Variants in ATP2A3 observed in about 807,000 individuals in gnomAD.
ATP2A3 encodes the protein ATPase sarcoplasmic/endoplasmic reticulum Ca2+ transporting 3.
A neutral mutation model predicts 106.8 loss-of-function variants in ATP2A3; 61 were observed. The ratio of observed to expected loss-of-function variants is 0.57; its 90% CI spans 0.46 to 0.71. ATP2A3 has a LOEUF of 0.71. Ranked by LOEUF, ATP2A3 falls within the 30% of genes least tolerant of loss-of-function variation. The pLI is 0.00. For synonymous variants in ATP2A3, 611 were observed against 609.3 expected (o/e 1.00, Z -0.04); for missense variants, 1,201 against 1,423.5 (o/e 0.84, Z 2.52).
rs1054301879 is a variant in ATP2A3 at position 3,929,149 on chromosome 17, C to T, written c.2862+179G>A. 6.6e-6 allele frequency among the ~76,000 whole-genome samples: 1 copy of T among 152,210 alleles called. No individual in the cohort carries two copies. Among genetic ancestry groups the T allele is most frequent in the Non-Finnish European group, 1.5e-5 (1 of 68,028 alleles). ...AGCAAGGGGTTTCCCCCTCTTCCGT[C>T]CCCCAGGTCTGGGAGCTCCTGAAGG... On this transcript the variant is annotated intron_variant, in intron 19 of 20. Coordinates refer to ENST00000397041, the MANE Select transcript of ATP2A3 (RefSeq NM_005173.4). The surrounding 1 kb of genome is among the most constrained non-coding windows in gnomAD (Gnocchi z 4.3).
At chr17:3,941,685 C>T (rs768798998) in intron 12 of ATP2A3, 31 bp from the exon 13 acceptor site, 4 of 1,598,476 alleles carry the variant, frequency 2.5e-6, no homozygotes, top group Non-Finnish European at 2.5e-6. Context: ...GAAGAGGTAA[C>T]TCATCAGTCA....
rs772945810 is a variant in ATP2A3, at chr17:3,951,377, C to T, written c.337G>A (p.Glu113Lys). 1.5e-5 allele frequency: 25 copies of T among 1,613,652 alleles called. No individual in the cohort carries two copies. The highest frequency in any genetic ancestry group is 1.3e-4 in the East Asian group (6 of 44,880). Residue 113 changes from glutamate (E) to lysine (K), a missense_variant, in exon 5 of 21, where the codon GAG becomes AAG. Coordinates refer to ENST00000397041, the MANE Select transcript of ATP2A3 (RefSeq NM_005173.4). The part of the protein sequence containing the change: ...IVGVWQERNA[E>K]SAIEALKEYE... ...TCCTTCAGGGCCTCGATGGCACTCT[C>T]GGCGTTGCGTTCCTGCAGAATAGAA...
chr17:3,945,274 C>T lies in ATP2A3; in HGVS notation c.1096-126G>A, dbSNP rs113429707. On this transcript the variant is annotated intron_variant, in intron 8 of 20. Coordinates refer to ENST00000397041, the MANE Select transcript of ATP2A3 (RefSeq NM_005173.4). ...CCGAGGGCCAAACCGGCCTGGCCGT[C>T]CGTGCCCACCAGGAGGGAAATAGAA... 6,107 of 814,110 alleles carry T rather than the reference C, an allele frequency of 7.5e-3. 274 individuals are homozygous for T. The African/African-American group carries it at 0.097, about 13-fold the overall frequency. The allele number at this position is 814,110 out of a possible 1,614,324, so 50.4% of individuals were successfully genotyped here. A position where few individuals can be genotyped will look rare whatever the true frequency, so the allele number is the denominator to read the frequency against.
chr17:3,940,073 G>A (rs1320210250), intron 14 of ATP2A3, among the ~76,000 whole-genome samples: 6 of 115,918 alleles, frequency 5.2e-5, no homozygotes, highest in Non-Finnish European at 9.8e-5. Flanking sequence ...TTGGAGAGAT[G>A]GGGTCTCAAA....
At chr17:3,943,268 T>G in intron 11 of ATP2A3, 123 bp downstream of exon 11, 2 of 1,292,638 alleles carry the variant, frequency 1.5e-6, no homozygotes, top group Non-Finnish European at 2.1e-6. Context: ...TGAGACTCCG[T>G]CTCAAAAAAA....
chr17:3,950,052 CT>C, intron 7 of ATP2A3, among the ~76,000 whole-genome samples: 6 of 151,684 alleles, frequency 4.0e-5, no homozygotes, highest in Admixed American at 3.9e-4. Context: ...GTCCCAGCTA[CT>C]TGGGAAGCTG....
intron 11 of ATP2A3, 139 bp from the exon 12 acceptor site, chr17:3,942,870 G>T: frequency 7.6e-7 from 1 of 1,323,084 alleles, no homozygotes; most frequent in Admixed American, 2.0e-5. Flanking sequence ...CACCATTCAA[G>T]GCCTCCATTT....
At chr17:3,937,106 A>C (rs2053492187) in intron 15 of ATP2A3, 1 of 453,040 alleles carries the variant, frequency 2.2e-6, no homozygotes. Flanking sequence ...ACGACTGCCT[A>C]AAGGTGGGGC....
Position 3,953,394 on chromosome 17 carries a change from C to T in ATP2A3, c.172G>A (p.Glu58Lys). 6.2e-7 allele frequency: 1 copy of T among 1,614,034 alleles called. No individual in the cohort carries two copies. Among genetic ancestry groups the T allele is most frequent in the Non-Finnish European group, 8.5e-7 (1 of 1,180,018 alleles). The change falls in exon 3 of 21, where the codon GAG becomes AAG. Residue 58 changes from glutamate (E) to lysine (K), a missense_variant. Transcript: ENST00000397041. The surrounding 1 kb of genome is among the most constrained non-coding windows in gnomAD (Gnocchi z 5.1). ...SLWELVLEQF[E>K]DLLVRILLLA... ...AGCAGGATGCGCACCAGGAGGTCCT[C>T]AAACTGTTCCAGCACCAGCTCCCAC...
chr17:3,963,246 C>A (rs560949533), intron 1 of ATP2A3, among the ~76,000 whole-genome samples: 25 of 152,354 alleles, frequency 1.6e-4, no homozygotes, highest in African/African-American at 5.8e-4. Context: ...AGGATGCAGA[C>A]CCAGGCTGCC....
rs1050150705 is a variant in ATP2A3, at chr17:3,928,438, G to A, written c.2980+225C>T. The A allele has an allele frequency of 8.6e-6, 10 of 1,158,572 alleles. No homozygotes were observed. Among genetic ancestry groups the A allele is most frequent in the Admixed American group, 7.9e-5 (4 of 50,752 alleles). 71.8% of individuals were successfully genotyped at this position (1,158,572 alleles called of 1,614,324 possible). A position where few individuals can be genotyped will look rare whatever the true frequency, so the allele number is the denominator to read the frequency against. ...GCAGTGTGGCCCAAGAGGTGCTCCC[G>A]TTGCTGGCCCAGTGAGCCCAGGTCC... is the stretch of plus-strand genomic sequence containing the variant. On this transcript the variant is annotated intron_variant, in intron 20 of 20. Coordinates refer to ENST00000397041, the MANE Select transcript of ATP2A3 (RefSeq NM_005173.4). The surrounding 1 kb of genome is among the most constrained non-coding windows in gnomAD (Gnocchi z 6.1).
rs764704176 is a variant in ATP2A3, at chr17:3,924,748, G to T, written c.*674C>A. 24 of 456,450 alleles carry T rather than the reference G, an allele frequency of 5.3e-5. No homozygotes were observed. The highest frequency in any genetic ancestry group is 9.7e-5 in the Non-Finnish European group (22 of 226,906). The allele number at this position is 456,450 out of a possible 1,614,324, so 28.3% of individuals were successfully genotyped here. ...TCCCGGGAAAGGACATCCTCGCTCCGCCCTCCTGCCGGCTCCTTGTGTCCG... is the reference window on the plus strand; with the variant it reads ...TCCCGGGAAAGGACATCCTCGCTCCTCCCTCCTGCCGGCTCCTTGTGTCCG... On this transcript the variant is annotated 3_prime_UTR_variant, in exon 21 of 21. Transcript: ENST00000397041. This position sits in a 1 kb window ranked among gnomAD's most constrained non-coding sequence, Gnocchi z 6.4.
At position 3,953,114 on chromosome 17, in the gene ATP2A3, G is replaced by A. The variant is rs1207985417; in HGVS notation, c.219+233C>T. On this transcript the variant is annotated intron_variant, in intron 3 of 20. Transcript: ENST00000397041. This position sits in a 1 kb window ranked among gnomAD's most constrained non-coding sequence, Gnocchi z 5.1. ...GAGTTGGGGAGCTCGCTGAGAGCCA[G>A]AGGATAAGATGGATTGGAGGGGTCA... Among the ~76,000 whole-genome samples the A allele has an allele frequency of 1.3e-5, 2 of 152,178 alleles. No homozygotes were observed. The highest frequency in any genetic ancestry group is 4.8e-5 in the African/African-American group (2 of 41,432).
intron 4 of ATP2A3, 51 bp from the exon 5 acceptor site, chr17:3,951,440 C>A (rs368104377): frequency 4.7e-4 from 764 of 1,612,446 alleles, no homozygotes; most frequent in Middle Eastern, 6.6e-4. Context: ...CCCCCGCAGA[C>A]CACCCCCTTG....
At chr17:3,934,229 C>CT (rs961771558) in intron 17 of ATP2A3, among the ~76,000 whole-genome samples, 25 of 150,732 alleles carry the variant, frequency 1.7e-4, no homozygotes, top group East Asian at 7.9e-4. Context: ...AGGATGTGTT[C>CT]TTTTTTTTTC....
At position 3,951,301 on chromosome 17, in the gene ATP2A3, T is replaced by C. The variant is rs1358498619; in HGVS notation, c.413A>G (p.Gln138Arg). 1 of 1,613,784 alleles carries C rather than the reference T, an allele frequency of 6.2e-7. No individual in the cohort carries two copies. The highest frequency in any genetic ancestry group is 1.3e-5 in the African/African-American group (1 of 74,948). ...KVIRSDRKGV[Q>R]RIRARDIVPG... ...GACGATGTCCCGGGCACGGATCCTC[T>C]GCACGCCCTTGCGGTCCGAGCGGAT... is the stretch of plus-strand genomic sequence containing the variant. Residue 138 changes from glutamine to arginine, a missense_variant, in exon 5 of 21, where the codon CAG (glutamine) becomes CGG (arginine). By Grantham distance (43) the Gln-to-Arg change is conservative. This residue lies in a region of ATP2A3 where 266 missense variants were observed against 246.8 expected (regional missense o/e 1.08). Coordinates refer to ENST00000397041, the MANE Select transcript of ATP2A3 (RefSeq NM_005173.4).
At position 3,931,712 on chromosome 17, in the gene ATP2A3, G is replaced by A. The variant is rs998473026; in HGVS notation, c.2611-1278C>T. Among the ~76,000 whole-genome samples the A allele has an allele frequency of 5.3e-5, 8 of 152,012 alleles. No homozygotes were observed. The East Asian group carries it at 5.8e-4, about 11-fold the overall frequency. On this transcript the variant is annotated intron_variant, in intron 17 of 20. Coordinates refer to ENST00000397041, the MANE Select transcript of ATP2A3 (RefSeq NM_005173.4). ...AATTTTTTGTATTTTTAGTGGAGAC[G>A]GGGTTTCACCGTGTTAGCCAGGATG...
intron 9 of ATP2A3, 91 bp from the exon 10 acceptor site, chr17:3,944,897 C>T (rs942734366): frequency 9.5e-5 from 130 of 1,361,998 alleles, no homozygotes; most frequent in Non-Finnish European, 1.1e-4. Context: ...GGGGCTCCGC[C>T]TCTTGGCCCC....
intron 1 of ATP2A3, 118 bp downstream of exon 1, chr17:3,964,056 G>T: frequency 2.2e-6 from 1 of 463,818 alleles, no homozygotes; most frequent in Non-Finnish European, 3.0e-6. Flanking sequence ...CATCCGAAGA[G>T]GTTTCCGGAG....
Sources: gnomAD v4.1 joint callset for allele counts (sites outside exome capture counted in the v4.1 genomes callset) on GRCh38, gnomAD v4.1.1 for gene constraint, gnomAD v4.1.1 regional missense constraint, Gnocchi (gnomAD v3.1) non-coding constraint, MANE v1.5 for transcripts, NCBI Gene and HGNC (gene_info 2026-07-23, HGNC 2026-07-21) for gene names.